SH3RF2: variants seen among roughly 807,000 people sequenced by gnomAD.
SH3RF2 encodes the protein SH3 domain containing ring finger 2.
Under a neutral mutation model 59.0 loss-of-function variants are expected in SH3RF2, and 43 were observed. The observed-to-expected ratio is 0.73, with a 90% CI of 0.57 to 0.94. SH3RF2 has a LOEUF of 0.94. Among genes scored for constraint, SH3RF2 ranks in the 40% least tolerant of loss-of-function variants. The probability of loss-of-function intolerance (pLI) is 0.00; values close to 1 mark genes in which losing one functional copy is unlikely to be tolerated. For missense variants in SH3RF2, 930 were observed against 940.1 expected, an observed-to-expected ratio of 0.99 and a Z score of 0.14; for synonymous variants, 391 against 391.5, an observed-to-expected ratio of 1.00 and a Z score of 0.01.
intron 5 of SH3RF2, among the ~76,000 whole-genome samples, chr5:146,025,496 G>C (rs1371050939): frequency 2.6e-5 from 4 of 152,236 alleles, no homozygotes; most frequent in African/African-American, 7.2e-5. Flanking sequence ...AGTTTGTTCA[G>C]CTTGGAGAAG....
At chr5:145,941,555 C>G (rs756368167) in intron 2 of SH3RF2, among the ~76,000 whole-genome samples, 2 of 152,210 alleles carry the variant, frequency 1.3e-5, no homozygotes, top group Non-Finnish European at 2.9e-5. Flanking sequence ...GGCAAGCCTT[C>G]AAAAGGATTG....
chr5:145,995,369 G>A (rs1760107582), intron 2 of SH3RF2, among the ~76,000 whole-genome samples: 1 of 152,210 alleles, frequency 6.6e-6, no homozygotes, highest in South Asian at 2.1e-4. Context: ...TTGAGAGGAA[G>A]AAGTATGGAG....
At chr5:145,987,122 G>A (rs1169173505) in intron 2 of SH3RF2, among the ~76,000 whole-genome samples, 2 of 152,218 alleles carry the variant, frequency 1.3e-5, no homozygotes, top group East Asian at 1.9e-4. Context: ...GCAAAAGACT[G>A]AGGGGAGAGA....
intron 7 of SH3RF2, among the ~76,000 whole-genome samples, chr5:146,049,756 G>T (rs1431120451): frequency 6.6e-6 from 1 of 152,032 alleles, no homozygotes; most frequent in Non-Finnish European, 1.5e-5. Context: ...CACCCAAGAT[G>T]AAATGCTAGT....
At chr5:145,988,334 C>T (rs920433197) in intron 2 of SH3RF2, among the ~76,000 whole-genome samples, 5 of 151,402 alleles carry the variant, frequency 3.3e-5, no homozygotes, top group African/African-American at 9.7e-5. Flanking sequence ...CCCAAGGCCT[C>T]CAGGTAGACA....
chr5:146,019,396 C>T (rs1761224682), intron 5 of SH3RF2, among the ~76,000 whole-genome samples: 1 of 151,990 alleles, frequency 6.6e-6, no homozygotes, highest in Non-Finnish European at 1.5e-5. Flanking sequence ...TTTTTGGGTG[C>T]TTTGTCAAAA....
intron 4 of SH3RF2, among the ~76,000 whole-genome samples, chr5:146,007,455 G>A (rs1024232115): frequency 1.3e-5 from 2 of 152,164 alleles, no homozygotes; most frequent in Admixed American, 6.5e-5. Context: ...TGGAAGTTAG[G>A]ATGATTCAGT....
At chr5:145,970,788 G>A (rs939728382) in intron 2 of SH3RF2, among the ~76,000 whole-genome samples, 5 of 149,960 alleles carry the variant, frequency 3.3e-5, no homozygotes, top group Non-Finnish European at 7.4e-5. Context: ...CATGAGTTTA[G>A]AGCTGTGATA....
chr5:145,945,568 T>C (rs1179931639), intron 2 of SH3RF2, among the ~76,000 whole-genome samples: 3 of 151,764 alleles, frequency 2.0e-5, no homozygotes, highest in South Asian at 4.2e-4. Flanking sequence ...AGTCAGGAAG[T>C]GTATGGTCAA....
At chr5:146,058,968 C>T (rs972745407) in intron 8 of SH3RF2, among the ~76,000 whole-genome samples, 1 of 151,986 alleles carries the variant, frequency 6.6e-6, no homozygotes, top group Non-Finnish European at 1.5e-5. Flanking sequence ...GATCCTTTAC[C>T]CAAAAATAAT....
intron 2 of SH3RF2, among the ~76,000 whole-genome samples, chr5:145,995,676 G>GA (rs201385163): frequency 0.018 from 2,681 of 151,924 alleles, 35 homozygotes; most frequent in Non-Finnish European, 0.024. Flanking sequence ...TAAGCACTTA[G>GA]AAAAAAAGCG....
intron 2 of SH3RF2, among the ~76,000 whole-genome samples, chr5:145,980,450 C>G (rs576710594): frequency 1.1e-4 from 17 of 152,288 alleles, no homozygotes; most frequent in African/African-American, 4.1e-4. Context: ...CTCTCTAAAG[C>G]TGCTTAGCAT....
chr5:146,039,180 A>G (rs544904290), intron 5 of SH3RF2, among the ~76,000 whole-genome samples: 1 of 152,334 alleles, frequency 6.6e-6, no homozygotes, highest in East Asian at 1.9e-4. Context: ...GAAAGGCAAA[A>G]CTATAAAACT....
In SH3RF2 at chr5:146,063,160, T is replaced by C. The variant is rs1762961893; in HGVS notation, c.*459T>C. On this transcript the variant is annotated 3_prime_UTR_variant, in exon 10 of 10. Transcript: ENST00000359120. ...CTGCCATCTTCTGGGGCCTGTACACTGGCCACTAGTAGCTGCCATATCTTT... is the reference window on the plus strand; with the variant it reads ...CTGCCATCTTCTGGGGCCTGTACACCGGCCACTAGTAGCTGCCATATCTTT... The C allele has an allele frequency of 1.3e-5, 2 of 156,590 alleles. No individual in the cohort carries two copies. 9.7% of individuals were successfully genotyped at this position (156,590 alleles called of 1,614,324 possible).
At chr5:146,053,985 C>T (rs1294443547) in intron 7 of SH3RF2, among the ~76,000 whole-genome samples, 3 of 152,238 alleles carry the variant, frequency 2.0e-5, no homozygotes, top group Non-Finnish European at 4.4e-5. Context: ...GAGAAAAGGA[C>T]GCAGGGACCT....
At chr5:146,041,170 T>G (rs1762112018) in intron 5 of SH3RF2, among the ~76,000 whole-genome samples, 1 of 152,186 alleles carries the variant, frequency 6.6e-6, no homozygotes, top group African/African-American at 2.4e-5. Flanking sequence ...TTTCTCCATC[T>G]ATAAAAATGG....
At chr5:146,077,862 C>A (rs1158956328) in intron 9 of SH3RF2, among the ~76,000 whole-genome samples, 4 of 152,026 alleles carry the variant, frequency 2.6e-5, no homozygotes, top group African/African-American at 9.7e-5. Context: ...TATTATAAGC[C>A]ATTTATTTTA....
chr5:146,052,342 G>A (rs1676896200), intron 7 of SH3RF2, among the ~76,000 whole-genome samples: 1 of 152,098 alleles, frequency 6.6e-6, no homozygotes, highest in African/African-American at 2.4e-5. Context: ...CCTTGGCCAA[G>A]GTCGGTCTAT....
At chr5:145,986,291 C>T (rs1390285918) in intron 2 of SH3RF2, among the ~76,000 whole-genome samples, 1 of 152,140 alleles carries the variant, frequency 6.6e-6, no homozygotes, top group East Asian at 1.9e-4. Context: ...GTAGAGCAAC[C>T]AGAGCTTTGC....
Sources: allele counts gnomAD v4.1 joint callset (sites outside exome capture counted in the v4.1 genomes callset), GRCh38; gene constraint gnomAD v4.1.1; transcripts MANE v1.5; gene names NCBI Gene and HGNC (gene_info 2026-07-23, HGNC 2026-07-21).